Variants in SMOC1 observed in about 807,000 individuals in gnomAD.
SMOC1 encodes SPARC-related modular calcium-binding protein 1.
Under a neutral mutation model 56.3 loss-of-function variants are expected in SMOC1, and 22 were observed. The ratio of observed to expected loss-of-function variants is 0.39; its 90% CI spans 0.28 to 0.56. The LOEUF is 0.56. Ranked by LOEUF, SMOC1 falls within the 20% of genes least tolerant of loss-of-function variation. SMOC1 has a pLI of 0.61. For missense variants in SMOC1, 509 were observed against 565.4 expected (o/e 0.90, Z 1.01); for synonymous variants, 193 against 215.0 (o/e 0.90, Z 0.89).
chr14:69,901,969 G>A (rs375671558), intron 1 of SMOC1, among the ~76,000 whole-genome samples: 9 of 152,290 alleles, frequency 5.9e-5, no homozygotes, highest in East Asian at 5.8e-4. Context: ...GGGGAACACC[G>A]TCCCTCACTC....
intron 10 of SMOC1, among the ~76,000 whole-genome samples, chr14:70,020,151 CT>C (rs78716484): frequency 0.12 from 17,424 of 146,438 alleles, 1,114 homozygotes; most frequent in Middle Eastern, 0.18. Context: ...TTGTTTTTGT[CT>C]TTTTTTTTTT....
chr14:69,926,685 C>G (rs1172469061), intron 1 of SMOC1, among the ~76,000 whole-genome samples: 1 of 152,238 alleles, frequency 6.6e-6, no homozygotes, highest in African/African-American at 2.4e-5. Context: ...CCCTCACACT[C>G]TCTGCTCCTC....
intron 1 of SMOC1, among the ~76,000 whole-genome samples, chr14:69,937,772 G>T (rs531565571): frequency 3.9e-4 from 60 of 152,188 alleles, no homozygotes; most frequent in African/African-American, 1.1e-3. Flanking sequence ...ACACATGCAT[G>T]CTCACATGTG....
intron 3 of SMOC1, among the ~76,000 whole-genome samples, chr14:69,968,315 A>C (rs1248557028): frequency 6.6e-6 from 1 of 152,230 alleles, no homozygotes; most frequent in African/African-American, 2.4e-5. Context: ...CAATGAATGC[A>C]GAAGCTCTGT....
chr14:69,994,557 G>A (rs990592677), intron 7 of SMOC1, 77 bp downstream of exon 7: 8 of 1,156,208 alleles, frequency 6.9e-6, no homozygotes, highest in Admixed American at 3.4e-5. Flanking sequence ...TACTTATTGT[G>A]TGGGTTTGGA....
At chr14:69,913,118 G>T (rs183335230) in intron 1 of SMOC1, among the ~76,000 whole-genome samples, 170 of 152,296 alleles carry the variant, frequency 1.1e-3, no homozygotes, top group African/African-American at 3.9e-3. Flanking sequence ...GAGTGTGGGG[G>T]CAAACAGCTC....
At chr14:70,003,124 G>A (rs777626554) in intron 7 of SMOC1, among the ~76,000 whole-genome samples, 1 of 152,154 alleles carries the variant, frequency 6.6e-6, no homozygotes, top group Non-Finnish European at 1.5e-5. Flanking sequence ...AATTTAGAAA[G>A]GTTGTTTTCA....
intron 11 of SMOC1, 65 bp from the exon 12 acceptor site, chr14:70,030,177 C>G (rs966822410): frequency 1.7e-5 from 28 of 1,605,714 alleles, no homozygotes; most frequent in Non-Finnish European, 2.4e-5. Flanking sequence ...CCAACTCTAA[C>G]TTCTTGCTTA....
intron 1 of SMOC1, among the ~76,000 whole-genome samples, chr14:69,885,083 C>G (rs1176557206): frequency 6.6e-6 from 1 of 152,056 alleles, no homozygotes; most frequent in East Asian, 1.9e-4. Flanking sequence ...TCTTTCCATT[C>G]ATTTGTGTAT....
At chr14:69,929,583 G>A (rs1885107119) in intron 1 of SMOC1, among the ~76,000 whole-genome samples, 1 of 152,128 alleles carries the variant, frequency 6.6e-6, no homozygotes, top group Non-Finnish European at 1.5e-5. Context: ...AAGACATTGG[G>A]GTGTTTTAGA....
intron 7 of SMOC1, among the ~76,000 whole-genome samples, chr14:70,006,031 G>A (rs912538146): frequency 6.6e-6 from 1 of 152,224 alleles, no homozygotes; most frequent in Non-Finnish European, 1.5e-5. Context: ...TAGGCCCCCT[G>A]TCTTGCATTC....
chr14:69,903,170 C>G (rs1408920302), intron 1 of SMOC1, among the ~76,000 whole-genome samples: 1 of 149,576 alleles, frequency 6.7e-6, no homozygotes, highest in Non-Finnish European at 1.5e-5. Context: ...TCTAGGAAGT[C>G]AGGAGCGTCT....
Position 69,904,743 on chromosome 14 carries a change from A to G in SMOC1, c.99+24966A>G, listed in dbSNP as rs537091652. On this transcript the variant is annotated intron_variant, in intron 1 of 11. Coordinates refer to ENST00000361956, the MANE Select transcript of SMOC1 (RefSeq NM_001034852.3). ...TGCTGCTGAGTGCCTTGTGCTCATC[A>G]TGGAGCCTGTCTGAAACTCGGTCTC... is the stretch of plus-strand genomic sequence containing the variant. Among the ~76,000 whole-genome samples, 44 of 152,334 alleles carry G rather than the reference A, an allele frequency of 2.9e-4. 1 individual carries two copies. The South Asian group carries it at 8.7e-3, about 30-fold the overall frequency.
rs1886159292 is a variant in SMOC1 at position 70,031,760 on chromosome 14, G to C, written c.*1502G>C. On this transcript the variant is annotated 3_prime_UTR_variant, in exon 12 of 12. Coordinates refer to ENST00000361956, the MANE Select transcript of SMOC1 (RefSeq NM_001034852.3). ...ATTCAAGTGGCCTTCAGGCAGAGCA[G>C]CAAGTGGCCCTTAGCGCCCCTTCCC... 6.6e-6 allele frequency: 1 copy of C among 152,454 alleles called. No homozygotes were observed. The allele number at this position is 152,454 out of a possible 1,614,324, so 9.4% of individuals were successfully genotyped here. A position where few individuals can be genotyped will look rare whatever the true frequency, so the allele number is the denominator to read the frequency against.
intron 1 of SMOC1, among the ~76,000 whole-genome samples, chr14:69,937,671 G>A (rs181945745): frequency 1.2e-4 from 18 of 152,228 alleles, no homozygotes; most frequent in Non-Finnish European, 2.4e-4. Context: ...CAGCACCAGC[G>A]CCACCGCCAG....
chr14:69,920,581 C>T (rs1426085776), intron 1 of SMOC1, among the ~76,000 whole-genome samples: 2 of 152,220 alleles, frequency 1.3e-5, no homozygotes, highest in African/African-American at 4.8e-5. Context: ...TTTTGAGCTT[C>T]TGTTCTGTGC....
At position 69,981,719 on chromosome 14, in the gene SMOC1, A is replaced by C. The variant is rs78554826; in HGVS notation, c.526+3754A>C. ...TTTTGGTTTTCACTGGAGTCATCCA[A>C]AGGAAAGTAGATTGGAAGCAGAATG... On this transcript the variant is annotated intron_variant, in intron 5 of 11. Transcript: ENST00000361956. Among the ~76,000 whole-genome samples, 3 of 152,318 alleles carry C rather than the reference A, an allele frequency of 2.0e-5. No individual in the cohort carries two copies. The East Asian group carries it at 5.8e-4, about 29-fold the overall frequency.
At chr14:69,972,377 C>T (rs530270191) in intron 3 of SMOC1, among the ~76,000 whole-genome samples, 1 of 152,328 alleles carries the variant, frequency 6.6e-6, no homozygotes, top group South Asian at 2.1e-4. Flanking sequence ...GGATCTGAGA[C>T]CTTGCTCGGG....
intron 1 of SMOC1, among the ~76,000 whole-genome samples, chr14:69,943,149 C>G (rs747715477): frequency 6.6e-6 from 1 of 152,162 alleles, no homozygotes; most frequent in Non-Finnish European, 1.5e-5. Flanking sequence ...CTCCAGCTGC[C>G]CAACAGCTGG....
Sources: allele counts gnomAD v4.1 joint callset (sites outside exome capture counted in the v4.1 genomes callset), GRCh38; gene constraint gnomAD v4.1.1; transcripts MANE v1.5; gene names NCBI Gene and HGNC (gene_info 2026-07-23, HGNC 2026-07-21).